ADAMTS3: variants seen among roughly 807,000 people sequenced by gnomAD.
The protein encoded by ADAMTS3 is A disintegrin and metalloproteinase with thrombospondin motifs 3.
A neutral mutation model predicts 129.0 loss-of-function variants in ADAMTS3; 73 were observed. That is an observed-to-expected ratio of 0.57 (90% CI 0.47 to 0.69). ADAMTS3 has a LOEUF of 0.69. Ranked by LOEUF, ADAMTS3 falls within the 30% of genes least tolerant of loss-of-function variation. The pLI is 0.00. For synonymous variants in ADAMTS3, 477 were observed against 510.8 expected, an observed-to-expected ratio of 0.93 and a Z score of 0.89; for missense variants, 1,457 against 1,514.5, an observed-to-expected ratio of 0.96 and a Z score of 0.63.
At chr4:72,434,893 G>A (rs1351590372) in intron 3 of ADAMTS3, among the ~76,000 whole-genome samples, 2 of 151,850 alleles carry the variant, frequency 1.3e-5, no homozygotes, top group African/African-American at 4.8e-5. Context: ...AAAGATCTGA[G>A]TGTGGCCTCT....
intron 4 of ADAMTS3, among the ~76,000 whole-genome samples, chr4:72,354,632 G>T (rs1411940145): frequency 6.6e-6 from 1 of 151,902 alleles, no homozygotes; most frequent in Admixed American, 6.6e-5. Flanking sequence ...CACATCCTGA[G>T]TTACAGGACA....
At chr4:72,468,551 C>G (rs1482504304) in intron 3 of ADAMTS3, among the ~76,000 whole-genome samples, 1 of 151,950 alleles carries the variant, frequency 6.6e-6, no homozygotes, top group Admixed American at 6.6e-5. Context: ...CTCCCCATAC[C>G]TAGTCATATT....
At chr4:72,406,506 T>C (rs1378997620) in intron 4 of ADAMTS3, among the ~76,000 whole-genome samples, 1 of 152,230 alleles carries the variant, frequency 6.6e-6, no homozygotes, top group Non-Finnish European at 1.5e-5. Flanking sequence ...CTACTACTTA[T>C]AGTAAATTCT....
At chr4:72,552,456 G>C (rs1056286600) in intron 2 of ADAMTS3, among the ~76,000 whole-genome samples, 22 of 152,114 alleles carry the variant, frequency 1.4e-4, no homozygotes, top group African/African-American at 3.6e-4. Context: ...GTGGCTGAGG[G>C]GCCACAGTAA....
chr4:72,285,869 C>T (rs188067389), intron 21 of ADAMTS3, among the ~76,000 whole-genome samples: 12 of 151,952 alleles, frequency 7.9e-5, no homozygotes, highest in African/African-American at 2.4e-4. Flanking sequence ...TCAGACTTCT[C>T]GTTCCACCCC....
At chr4:72,518,436 G>T (rs1720558572) in intron 3 of ADAMTS3, among the ~76,000 whole-genome samples, 1 of 152,144 alleles carries the variant, frequency 6.6e-6, no homozygotes. Context: ...TGACAGCGGG[G>T]TGTTAAAGTC....
intron 3 of ADAMTS3, among the ~76,000 whole-genome samples, chr4:72,416,703 T>C (rs1248143085): frequency 6.6e-6 from 1 of 152,198 alleles, no homozygotes; most frequent in African/African-American, 2.4e-5. Context: ...GTTAATGGAT[T>C]CACCTCTTCT....
intron 3 of ADAMTS3, among the ~76,000 whole-genome samples, chr4:72,528,475 C>T (rs899199712): frequency 2.0e-5 from 3 of 149,476 alleles, no homozygotes; most frequent in African/African-American, 7.4e-5. Flanking sequence ...ATCACTTTTA[C>T]CCCATAAATA....
At chr4:72,321,837 T>G (rs189657031) in intron 6 of ADAMTS3, among the ~76,000 whole-genome samples, 3 of 152,278 alleles carry the variant, frequency 2.0e-5, no homozygotes, top group African/African-American at 7.2e-5. Context: ...ACTCTTCCAG[T>G]TCTGATATAA....
intron 2 of ADAMTS3, among the ~76,000 whole-genome samples, chr4:72,564,824 T>C (rs191556361): frequency 1.3e-5 from 2 of 152,298 alleles, no homozygotes; most frequent in Admixed American, 1.3e-4. Flanking sequence ...GCATATAAGA[T>C]ATATTTTTGA....
Position 72,288,820 on chromosome 4 carries a change from T to A in ADAMTS3, c.2980A>T (p.Arg994Trp). The A allele has an allele frequency of 6.2e-7, 1 of 1,613,864 alleles. No homozygotes were observed. The highest frequency in any genetic ancestry group is 8.5e-7 in the Non-Finnish European group (1 of 1,179,958). Reference sequence around the variant, plus strand: ...TCACCATCACAGTGGTCCCCAGCCCTGCAGAGGACCTGCCTCACCTCCGTT... The same window carrying A: ...TCACCATCACAGTGGTCCCCAGCCCAGCAGAGGACCTGCCTCACCTCCGTT... ...EGTEVRQVLC[R>W]AGDHCDGEKP... Residue 994 changes from arginine (R) to tryptophan (W), a missense_variant, in exon 21 of 22, where the codon AGG becomes TGG. By Grantham distance (101) the Arg-to-Trp change is moderately radical. Coordinates refer to ENST00000286657, the MANE Select transcript of ADAMTS3 (RefSeq NM_014243.3).
chr4:72,325,767 C>T (rs968442642), intron 5 of ADAMTS3, among the ~76,000 whole-genome samples: 1 of 152,092 alleles, frequency 6.6e-6, no homozygotes, highest in Admixed American at 6.6e-5. Context: ...ATATGTAATA[C>T]ATCAATGCTA....
At chr4:72,529,769 T>C (rs1349333386) in intron 3 of ADAMTS3, among the ~76,000 whole-genome samples, 1 of 104,696 alleles carries the variant, frequency 9.6e-6, no homozygotes, top group Non-Finnish European at 1.8e-5. Context: ...TATTAATATA[T>C]GTTAATTAAT....
At position 72,295,712 on chromosome 4, in the gene ADAMTS3, T is replaced by C; in HGVS notation, c.2665A>G (p.Asn889Asp). The C allele has an allele frequency of 6.2e-7, 1 of 1,613,104 alleles. No homozygotes were observed. Among genetic ancestry groups the C allele is most frequent in the South Asian group, 1.1e-5 (1 of 91,050 alleles). The change falls in exon 19 of 22, where the codon AAC (asparagine) becomes GAC (aspartate). Residue 889 changes from asparagine to aspartate, a missense_variant. Physicochemically the swap from Asn to Asp is conservative, Grantham distance 23. Transcript: ENST00000286657. ...CGTCTAATAGGTTTCGGCTTTTTGT[T>C]GGCCTCACAGAAGCTGCGATGGACC... Reference protein sequence around the residue: ...KMVHRSFCEANKKPKPIRRMC... With the variant: ...KMVHRSFCEADKKPKPIRRMC...
intron 4 of ADAMTS3, among the ~76,000 whole-genome samples, chr4:72,350,726 G>C (rs1720412259): frequency 6.6e-6 from 1 of 151,956 alleles, no homozygotes; most frequent in African/African-American, 2.4e-5. Flanking sequence ...TGAATCATGA[G>C]ATATTGCAGT....
intron 3 of ADAMTS3, among the ~76,000 whole-genome samples, chr4:72,530,343 A>T (rs1298826553): frequency 4.2e-4 from 36 of 85,126 alleles, no homozygotes; most frequent in African/African-American, 1.4e-3. Context: ...ATAATATATA[A>T]TATATATTAA....
intron 4 of ADAMTS3, among the ~76,000 whole-genome samples, chr4:72,394,455 G>A (rs1721675683): frequency 6.6e-6 from 1 of 152,172 alleles, no homozygotes; most frequent in African/African-American, 2.4e-5. Flanking sequence ...TGACAAAGAA[G>A]CTGTCTTAAG....
intron 3 of ADAMTS3, among the ~76,000 whole-genome samples, chr4:72,436,538 T>C (rs1717931526): frequency 6.6e-6 from 1 of 152,138 alleles, no homozygotes; most frequent in Non-Finnish European, 1.5e-5. Flanking sequence ...ATCATGCTGC[T>C]ATAAAGACAC....
intron 3 of ADAMTS3, among the ~76,000 whole-genome samples, chr4:72,479,196 T>G (rs570080425): frequency 2.2e-4 from 33 of 152,202 alleles, no homozygotes; most frequent in South Asian, 1.5e-3. Context: ...AAAACTACTT[T>G]AAAGTTCATA....
Sources: allele counts gnomAD v4.1 joint callset (sites outside exome capture counted in the v4.1 genomes callset), GRCh38; gene constraint gnomAD v4.1.1; transcripts MANE v1.5; gene names NCBI Gene and HGNC (gene_info 2026-07-23, HGNC 2026-07-21).